PDIA2: variants seen among roughly 807,000 people sequenced by gnomAD.
The protein encoded by PDIA2 is protein disulfide isomerase family A member 2.
PDIA2 carries 76 observed loss-of-function variants against 51.1 expected under a neutral mutation model. The ratio of observed to expected loss-of-function variants is 1.49; its 90% CI spans 1.24 to 1.80. The LOEUF is 1.80. Among genes scored for constraint, PDIA2 ranks in the 40% most tolerant of loss-of-function variants. The probability of loss-of-function intolerance (pLI) is 0.00; values close to 1 mark genes in which losing one functional copy is unlikely to be tolerated. For missense variants in PDIA2, 946 were observed against 706.5 expected (o/e 1.34, Z -3.84); for synonymous variants, 429 against 309.9 (o/e 1.38, Z -4.04).
Position 286,891 on chromosome 16 carries a change from C to G in PDIA2, c.1479C>G (p.Asn493Lys). ...DLETFSKFLDNGGVLPTEEPP... is the reference protein window; with the variant it reads ...DLETFSKFLDKGGVLPTEEPP... ...AGACTTTCTCCAAGTTCCTGGACAA[C>G]GGGGGCGTGCTGCCCACGGAGGAGC... Residue 493 changes from asparagine to lysine, a missense_variant, in exon 10 of 11, where the codon AAC (asparagine) becomes AAG (lysine). By Grantham distance (94) the Asn-to-Lys change is moderately conservative. Transcript: ENST00000219406. 6.2e-7 allele frequency: 1 copy of G among 1,603,270 alleles called. No individual in the cohort carries two copies. Among genetic ancestry groups the G allele is most frequent in the African/African-American group, 1.3e-5 (1 of 74,268 alleles).
chr16:287,085 C>A lies in PDIA2; in HGVS notation c.1550C>A (p.Ser517Tyr). Reference sequence around the variant, plus strand: ...CCTTTCTAGGAGCCACCGGCCAACTCCACTATGGGGTCCAAGGAGGAACTG... The same window carrying A: ...CCTTTCTAGGAGCCACCGGCCAACTACACTATGGGGTCCAAGGAGGAACTG... ...AAPFPEPPAN[S>Y]TMGSKEEL The change falls in exon 11 of 11, where the codon TCC becomes TAC. Residue 517 changes from serine (S) to tyrosine (Y), a missense_variant. By Grantham distance (144) the Ser-to-Tyr change is moderately radical. Transcript: ENST00000219406. 2 of 1,612,846 alleles carry A rather than the reference C, an allele frequency of 1.2e-6. No individual in the cohort carries two copies. Among genetic ancestry groups the A allele is most frequent in the South Asian group, 1.1e-5 (1 of 91,082 alleles).
rs746958459 is a variant in PDIA2 at position 284,396 on chromosome 16, G to GGGGT, written c.210_211insGGTG (p.Cys71GlyfsTer41). On this transcript the variant is annotated frameshift_variant, in exon 2 of 11. Transcript: ENST00000219406. LOFTEE classifies it high-confidence loss of function. ...CGGCCCCATCCCCCAGATGCCCCGT[G>GGGGT]GTGTGGGCACTGCCAGGCCCTGGCC... is the stretch of plus-strand genomic sequence containing the variant. 1.3e-4 allele frequency: 209 copies of GGGGT among 1,560,564 alleles called. No individual in the cohort carries two copies. Among genetic ancestry groups the GGGGT allele is most frequent in the Non-Finnish European group, 1.8e-4 (208 of 1,158,772 alleles).
Position 287,113 on chromosome 16 carries a change from G to A in PDIA2, c.1578G>A (p.Ter526=). ...CTATGGGGTCCAAGGAGGAACTGTAGCTGCCCCCGTGTCACCCCCGCCATC... is the reference window on the plus strand; with the variant it reads ...CTATGGGGTCCAAGGAGGAACTGTAACTGCCCCCGTGTCACCCCCGCCATC... ...NSTMGSKEEL[*] The change falls in exon 11 of 11, where the codon TAG becomes TAA. Residue 526 remains the stop codon, a stop_retained_variant. Transcript: ENST00000219406. 2 of 1,612,782 alleles carry A rather than the reference G, an allele frequency of 1.2e-6. No individual in the cohort carries two copies. Among genetic ancestry groups the A allele is most frequent in the Non-Finnish European group, 1.7e-6 (2 of 1,179,950 alleles).
chr16:285,762 C>G, intron 7 of PDIA2, 59 bp downstream of exon 7: 1 of 1,552,444 alleles, frequency 6.4e-7, no homozygotes, highest in Non-Finnish European at 8.7e-7. Context: ...ACCAGCTTGG[C>G]AGGGGGTGGG....
intron 3 of PDIA2, 29 bp from the exon 4 acceptor site, chr16:284,849 G>A (rs201403652): frequency 4.0e-5 from 65 of 1,609,048 alleles, no homozygotes; most frequent in African/African-American, 1.2e-4. Flanking sequence ...GGGTGGGACC[G>A]GGTGGCCTCA....
At chr16:285,271 C>T in intron 5 of PDIA2, 41 bp from the exon 6 acceptor site, 3 of 1,611,964 alleles carry the variant, frequency 1.9e-6, no homozygotes, top group Non-Finnish European at 2.5e-6. Flanking sequence ...GGTGCCTAGG[C>T]TGGGGGTCCT....
At chr16:283,814 C>A (rs1219941780) in intron 1 of PDIA2, among the ~76,000 whole-genome samples, 1 of 151,022 alleles carries the variant, frequency 6.6e-6, no homozygotes, top group African/African-American at 2.4e-5. Flanking sequence ...TCACAGGCAG[C>A]CACATGGGCC....
Position 283,166 on chromosome 16 carries a change from C to A in PDIA2, c.-4C>A. 1.3e-6 allele frequency: 2 copies of A among 1,508,550 alleles called. No individual in the cohort carries two copies. The allele number at this position is 1,508,550 out of a possible 1,614,324, so 93.4% of individuals were successfully genotyped here. A position where few individuals can be genotyped will look rare whatever the true frequency, so the allele number is the denominator to read the frequency against. The stretch of plus-strand genomic sequence containing the variant: ...GCCCCCGCCCCACGCGCCCTGGCAG[C>A]ACCATGAGCCGCCAGCTTCTGCCTG... On this transcript the variant is annotated 5_prime_UTR_variant, in exon 1 of 11. Coordinates refer to ENST00000219406, the MANE Select transcript of PDIA2 (RefSeq NM_006849.4).
At position 286,601 on chromosome 16, in the gene PDIA2, G is replaced by A; in HGVS notation, c.1288G>A (p.Ala430Thr). Residue 430 changes from alanine to threonine, a missense_variant, in exon 9 of 11, where the codon GCA becomes ACA. Physicochemically the swap from Ala to Thr is moderately conservative, Grantham distance 58. Coordinates refer to ENST00000219406, the MANE Select transcript of PDIA2 (RefSeq NM_006849.4). The part of the protein sequence containing the change: ...HCKEMAPAWE[A>T]LAEKYQDHED... Reference sequence around the variant, plus strand: ...CAAGGAGATGGCCCCTGCCTGGGAGGCATTGGCTGAGAAGTACCAAGACCA... The same window carrying A: ...CAAGGAGATGGCCCCTGCCTGGGAGACATTGGCTGAGAAGTACCAAGACCA... 1 of 1,612,868 alleles carries A rather than the reference G, an allele frequency of 6.2e-7. No homozygotes were observed. Among genetic ancestry groups the A allele is most frequent in the Non-Finnish European group, 8.5e-7 (1 of 1,179,966 alleles).
In PDIA2 at chr16:286,355, C is replaced by T. The variant is rs540714841; in HGVS notation, c.1122C>T (p.Pro374=). 82 of 1,608,038 alleles carry T rather than the reference C, an allele frequency of 5.1e-5. No individual in the cohort carries two copies. Among genetic ancestry groups the T allele is most frequent in the South Asian group, 3.3e-5 (3 of 90,700 alleles). The part of the protein sequence containing the change: ...CHAVLNGQVK[P]YLLSQEIPPD... ...GCGCCTGTCCTGGTTTCCCCCAGCC[C>T]TATCTCCTGAGCCAGGAGATACCCC... Residue 374 remains proline (P), a splice_region_variant and synonymous_variant, in exon 8 of 11, where the codon CCC becomes CCT. Transcript: ENST00000219406.
intron 1 of PDIA2, among the ~76,000 whole-genome samples, chr16:283,955 C>T (rs1272406573): frequency 6.6e-6 from 1 of 152,202 alleles, no homozygotes; most frequent in African/African-American, 2.4e-5. Context: ...ACCTCCGCCT[C>T]CCAGGTTCAA....
In PDIA2 at chr16:285,326, C is replaced by A; in HGVS notation, c.810C>A (p.Ile270=). Residue 270 remains isoleucine, a synonymous_variant, in exon 6 of 11, where the codon ATC becomes ATA. Coordinates refer to ENST00000219406, the MANE Select transcript of PDIA2 (RefSeq NM_006849.4). The stretch of plus-strand genomic sequence containing the variant: ...CCCTACTGTAGACGTCTGCCAAGAT[C>A]TTCGCGGCCAGGATCCTCAACCACC... ...TEFNSQTSAK[I]FAARILNHLL... is the part of the protein sequence containing the mutation. The A allele has an allele frequency of 6.2e-7, 1 of 1,612,958 alleles. No homozygotes were observed. The highest frequency in any genetic ancestry group is 8.5e-7 in the Non-Finnish European group (1 of 1,179,894).
chr16:284,915 T>TGGCCCA lies in PDIA2; in HGVS notation c.581_586dup (p.Ala194_Gln195dup), dbSNP rs749393952. ...GAGGACGTGGCCACCTTCTTGGCCT[T>TGGCCCA]GGCCCAGGACGCCCTGGACATGACC... On this transcript the variant is annotated inframe_insertion, in exon 4 of 11. Coordinates refer to ENST00000219406, the MANE Select transcript of PDIA2 (RefSeq NM_006849.4). 6.2e-7 allele frequency: 1 copy of TGGCCCA among 1,612,862 alleles called. No homozygotes were observed. Among genetic ancestry groups the TGGCCCA allele is most frequent in the South Asian group, 1.1e-5 (1 of 91,084 alleles).
At position 283,296 on chromosome 16, in the gene PDIA2, G is replaced by T; in HGVS notation, c.127G>T (p.Gly43Trp). ...PPEEEIPKEDGILVLSRHTLG... is the reference protein window; with the variant it reads ...PPEEEIPKEDWILVLSRHTLG... ...AGAGGAGGAAATCCCCAAGGAGGAT[G>T]GGATCTTGGTGCTGAGCCGCCACAC... The change falls in exon 1 of 11, where the codon GGG becomes TGG. Residue 43 changes from glycine to tryptophan, a missense_variant. Physicochemically the swap from Gly to Trp is radical, Grantham distance 184. Transcript: ENST00000219406. The T allele has an allele frequency of 6.2e-7, 1 of 1,611,028 alleles. No homozygotes were observed. The highest frequency in any genetic ancestry group is 8.5e-7 in the Non-Finnish European group (1 of 1,179,168).
At position 285,694 on chromosome 16, in the gene PDIA2, C is replaced by A; in HGVS notation, c.1110C>A (p.Gly370=). ...ITAFCHAVLN[G]QVKPYLLSQE... ...CTTTCTGCCATGCAGTCCTCAACGG[C>A]CAAGTCAAGGTCCGCTGCAGACTGC... is the stretch of plus-strand genomic sequence containing the variant. Residue 370 remains glycine (G), a synonymous_variant, in exon 7 of 11, where the codon GGC becomes GGA. Transcript: ENST00000219406. 1.9e-6 allele frequency: 3 copies of A among 1,612,882 alleles called. No individual in the cohort carries two copies. The highest frequency in any genetic ancestry group is 2.5e-6 in the Non-Finnish European group (3 of 1,179,862).
At position 283,321 on chromosome 16, in the gene PDIA2, C is replaced by G. The variant is rs1389951094; in HGVS notation, c.152C>G (p.Thr51Ser). The G allele has an allele frequency of 6.2e-7, 1 of 1,611,020 alleles. No homozygotes were observed. The highest frequency in any genetic ancestry group is 8.5e-7 in the Non-Finnish European group (1 of 1,179,064). ...EDGILVLSRH[T>S]LGLALREHPA... ...GGGATCTTGGTGCTGAGCCGCCACA[C>G]CCTGGGCCTGGCCCTGCGGGAGCAC... Residue 51 changes from threonine (T) to serine (S), a missense_variant, in exon 1 of 11, where the codon ACC becomes AGC. Transcript: ENST00000219406.
intron 10 of PDIA2, 46 bp downstream of exon 10, chr16:286,991 T>C: frequency 6.2e-7 from 1 of 1,611,164 alleles, no homozygotes; most frequent in South Asian, 1.1e-5. Flanking sequence ...ACAAATCCTC[T>C]TTACACAGGG....
In PDIA2 at chr16:286,883, C is replaced by G; in HGVS notation, c.1471C>G (p.Leu491Val). Residue 491 changes from leucine (L) to valine (V), a missense_variant, in exon 10 of 11, where the codon CTG becomes GTG. Physicochemically the swap from Leu to Val is conservative, Grantham distance 32 (BLOSUM62 1). Transcript: ENST00000219406. ...TRDLETFSKFLDNGGVLPTEE... is the reference protein window; with the variant it reads ...TRDLETFSKFVDNGGVLPTEE... ...GGACCTGGAGACTTTCTCCAAGTTC[C>G]TGGACAACGGGGGCGTGCTGCCCAC... The G allele has an allele frequency of 1.2e-6, 2 of 1,605,956 alleles. 1 individual carries two copies. The highest frequency in any genetic ancestry group is 2.2e-5 in the South Asian group (2 of 90,300).
chr16:286,858 G>C lies in PDIA2; in HGVS notation c.1446G>C (p.Arg482Ser). Residue 482 changes from arginine (R) to serine (S), a missense_variant, in exon 10 of 11, where the codon AGG becomes AGC. Coordinates refer to ENST00000219406, the MANE Select transcript of PDIA2 (RefSeq NM_006849.4). ...GRKVIEYKST[R>S]DLETFSKFLD... is the part of the protein sequence containing the mutation. ...AGGTGATTGAATACAAAAGCACCAGGGACCTGGAGACTTTCTCCAAGTTCC... is the reference window on the plus strand; with the variant it reads ...AGGTGATTGAATACAAAAGCACCAGCGACCTGGAGACTTTCTCCAAGTTCC... 6.2e-7 allele frequency: 1 copy of C among 1,609,092 alleles called. No individual in the cohort carries two copies.
Sources: gnomAD v4.1 joint callset for allele counts (sites outside exome capture counted in the v4.1 genomes callset) on GRCh38, gnomAD v4.1.1 for gene constraint, MANE v1.5 for transcripts, NCBI Gene and HGNC (gene_info 2026-07-23, HGNC 2026-07-21) for gene names.